SKAP2: variants seen among roughly 807,000 people sequenced by gnomAD.
SKAP2 encodes src kinase-associated phosphoprotein 2.
SKAP2 carries 28 observed loss-of-function variants against 54.9 expected under a neutral mutation model. The observed-to-expected ratio is 0.51, with a 90% CI of 0.38 to 0.70. The LOEUF (loss-of-function observed/expected upper bound fraction) is 0.70. Among genes scored for constraint, SKAP2 ranks in the 30% least tolerant of loss-of-function variants. The probability of loss-of-function intolerance (pLI) is 0.00; values close to 1 mark genes in which losing one functional copy is unlikely to be tolerated. For missense variants in SKAP2, 356 were observed against 424.1 expected (o/e 0.84, Z 1.41); for synonymous variants, 137 against 134.3 (o/e 1.02, Z -0.14).
chr7:26,753,151 A>G (rs1387316858), intron 4 of SKAP2, among the ~76,000 whole-genome samples: 1 of 152,220 alleles, frequency 6.6e-6, no homozygotes, highest in Non-Finnish European at 1.5e-5. Context: ...TTCAAAGGGG[A>G]ATAACTGTAA....
downstream of SKAP2, among the ~76,000 whole-genome samples, chr7:26,663,063 G>A (rs1786042789): frequency 6.6e-6 from 1 of 151,984 alleles, no homozygotes; most frequent in Non-Finnish European, 1.5e-5. Context: ...GATCTACTTG[G>A]GCAGCTGGAG....
intron 4 of SKAP2, among the ~76,000 whole-genome samples, chr7:26,768,500 T>C (rs569839179): frequency 6.6e-6 from 1 of 152,356 alleles, no homozygotes; most frequent in Admixed American, 6.5e-5. Flanking sequence ...CCTGTCATTA[T>C]GATGCTAGCT....
intron 3 of SKAP2, 129 bp from the exon 4 acceptor site, chr7:26,844,266 A>G (rs1784879679): frequency 6.9e-6 from 4 of 579,898 alleles, no homozygotes; most frequent in Non-Finnish European, 9.1e-6. Context: ...ATTGTCATGG[A>G]AAAACAAAGA....
chr7:26,794,437 G>C (rs1783729705), intron 4 of SKAP2, among the ~76,000 whole-genome samples: 1 of 152,230 alleles, frequency 6.6e-6, no homozygotes, highest in African/African-American at 2.4e-5. Flanking sequence ...AGGAACATCT[G>C]AGCCCCTGGC....
chr7:26,721,693 G>A (rs1787581007), intron 9 of SKAP2, among the ~76,000 whole-genome samples: 1 of 152,086 alleles, frequency 6.6e-6, no homozygotes, highest in African/African-American at 2.4e-5. Context: ...GTTAATGGAT[G>A]GTTACCATTC....
intron 6 of SKAP2, among the ~76,000 whole-genome samples, chr7:26,737,957 A>G (rs1374845671): frequency 6.6e-6 from 1 of 152,150 alleles, no homozygotes; most frequent in African/African-American, 2.4e-5. Flanking sequence ...TTAAAATCCC[A>G]AATTTGAGCT....
At chr7:26,790,898 C>T (rs1783659920) in intron 4 of SKAP2, among the ~76,000 whole-genome samples, 1 of 152,082 alleles carries the variant, frequency 6.6e-6, no homozygotes, top group Non-Finnish European at 1.5e-5. Flanking sequence ...TCTATTATGC[C>T]TAAGACACCA....
chr7:26,688,266 C>A, intron 10 of SKAP2, among the ~76,000 whole-genome samples: 1 of 151,982 alleles, frequency 6.6e-6, no homozygotes, highest in East Asian at 1.9e-4. Flanking sequence ...CAAAAAAAAT[C>A]AAATGGAATC....
intron 4 of SKAP2, among the ~76,000 whole-genome samples, chr7:26,769,606 G>GT (rs56346432): frequency 0.48 from 73,349 of 152,026 alleles, 18,991 homozygotes; most frequent in African/African-American, 0.65. Flanking sequence ...TCTACCTTTG[G>GT]TTTTGCTGTT....
chr7:26,854,157 A>T lies in SKAP2; in HGVS notation c.179T>A (p.Leu60His). 1 of 1,582,414 alleles carries T rather than the reference A, an allele frequency of 6.3e-7. No homozygotes were observed. Among genetic ancestry groups the T allele is most frequent in the African/African-American group, 1.4e-5 (1 of 73,596 alleles). ...KKIKDVKSIY[L>H]QEFQDKGDAE... ...CTTACCTTTGTCTTGAAATTCCTGA[A>T]GATAGCTACAAAACAAAGAACATAT... Residue 60 changes from leucine (L) to histidine (H), a missense_variant, in exon 3 of 13, where the codon CTT becomes CAT. Physicochemically the swap from Leu to His is moderately conservative, Grantham distance 99. Transcript: ENST00000345317.
intron 4 of SKAP2, among the ~76,000 whole-genome samples, chr7:26,767,421 G>A (rs1054315950): frequency 5.9e-5 from 9 of 152,132 alleles, no homozygotes; most frequent in Non-Finnish European, 1.5e-5. Flanking sequence ...ACCAGTTCCT[G>A]AATTCATTGA....
chr7:26,857,696 T>A (rs1198074275), intron 1 of SKAP2: 3 of 985,310 alleles, frequency 3.0e-6, no homozygotes, highest in Non-Finnish European at 3.6e-6. Flanking sequence ...GAGAGCCGGG[T>A]CTGGGGCAGA....
intron 11 of SKAP2, among the ~76,000 whole-genome samples, chr7:26,675,117 A>C (rs773757148): frequency 2.0e-5 from 3 of 152,110 alleles, no homozygotes; most frequent in Non-Finnish European, 2.9e-5. Context: ...TGCATTATCA[A>C]TGGTGCCTCT....
rs78690190 is a variant in SKAP2 at position 26,763,289 on chromosome 7, C to T, written c.308-23325G>A. Among the ~76,000 whole-genome samples the T allele has an allele frequency of 7.0e-3, 1,064 of 151,814 alleles. 12 individuals are homozygous for T. Among genetic ancestry groups the T allele is most frequent in the Middle Eastern group, 0.041 (12 of 294 alleles). The stretch of plus-strand genomic sequence containing the variant: ...CACATTGAAAATGATCTAGTAGCAC[C>T]ATAAATTTCTTTGTAGACTCAGACA... On this transcript the variant is annotated intron_variant, in intron 4 of 12. Coordinates refer to ENST00000345317, the MANE Select transcript of SKAP2 (RefSeq NM_003930.5).
chr7:26,744,684 C>A (rs73683508), intron 4 of SKAP2, among the ~76,000 whole-genome samples: 3 of 151,892 alleles, frequency 2.0e-5, no homozygotes, highest in African/African-American at 7.3e-5. Flanking sequence ...ATTCCAGGGT[C>A]TTCCCTAACA....
chr7:26,737,703 T>C (rs1461487199), intron 6 of SKAP2, among the ~76,000 whole-genome samples: 1 of 152,202 alleles, frequency 6.6e-6, no homozygotes, highest in Non-Finnish European at 1.5e-5. Flanking sequence ...ATACAACCTT[T>C]ACTTTATAAT....
chr7:26,807,380 G>A (rs1038352706), intron 4 of SKAP2, among the ~76,000 whole-genome samples: 2 of 151,798 alleles, frequency 1.3e-5, no homozygotes, highest in East Asian at 3.9e-4. Context: ...TCTTGTGATA[G>A]TGAGTGAGTT....
At chr7:26,741,066 G>A (rs1782434513) in intron 4 of SKAP2, among the ~76,000 whole-genome samples, 1 of 152,094 alleles carries the variant, frequency 6.6e-6, no homozygotes, top group Non-Finnish European at 1.5e-5. Context: ...CCAATCAAAA[G>A]AAAGTTTGTA....
intron 4 of SKAP2, among the ~76,000 whole-genome samples, chr7:26,835,808 C>T (rs1038088407): frequency 9.9e-5 from 15 of 152,118 alleles, no homozygotes; most frequent in African/African-American, 3.6e-4. Flanking sequence ...ATCAAGCTAC[C>T]ACTGACTTTC....
Sources: allele counts gnomAD v4.1 joint callset (sites outside exome capture counted in the v4.1 genomes callset), GRCh38; gene constraint gnomAD v4.1.1; transcripts MANE v1.5; gene names NCBI Gene and HGNC (gene_info 2026-07-23, HGNC 2026-07-21).